AMD1: variants seen among roughly 807,000 people sequenced by gnomAD.
AMD1 encodes S-adenosylmethionine decarboxylase proenzyme.
Under a neutral mutation model 40.2 loss-of-function variants are expected in AMD1, and 11 were observed. The observed-to-expected ratio is 0.27, with a 90% CI of 0.17 to 0.45. The LOEUF (loss-of-function observed/expected upper bound fraction) is 0.45. AMD1 is among the 20% of genes least tolerant of loss of function. The pLI is 1.00. For missense variants in AMD1, 257 were observed against 410.2 expected (o/e 0.63, Z 3.23); for synonymous variants, 121 against 130.8 (o/e 0.93, Z 0.51).
chr6:110,827,639 C>G, the AMD1 span, among the ~76,000 whole-genome samples: 8 of 151,916 alleles, frequency 5.3e-5, no homozygotes, highest in Middle Eastern at 6.4e-3. Context: ...GTGGGGGGCA[C>G]CTGTAGTCCC....
intron 4 of AMD1, chr6:110,891,207 T>A (rs1785998038): frequency 6.6e-6 from 1 of 152,198 alleles, no homozygotes; most frequent in Non-Finnish European, 1.5e-5. Flanking sequence ...AGCACCCAGC[T>A]AATTTTTATT....
In AMD1 at chr6:110,893,577, T is replaced by C. The variant is rs1786157588; in HGVS notation, c.966T>C (p.Phe322=). ...TGTTCAATGATTACAATTTTGTTTT[T>C]ACCAGTTTTGCTAAGAAGCAGCAAC... The part of the protein sequence containing the change: ...SAMFNDYNFV[F]TSFAKKQQQQ... The change falls in exon 9 of 9, where the codon TTT becomes TTC. Residue 322 remains phenylalanine, a synonymous_variant. Coordinates refer to ENST00000368885, the MANE Select transcript of AMD1 (RefSeq NM_001634.6). 2 of 1,613,942 alleles carry C rather than the reference T, an allele frequency of 1.2e-6. No individual in the cohort carries two copies. Among genetic ancestry groups the C allele is most frequent in the East Asian group, 4.5e-5 (2 of 44,902 alleles).
chr6:110,880,936 T>TG (rs1785377894), intron 1 of AMD1, among the ~76,000 whole-genome samples: 1 of 152,234 alleles, frequency 6.6e-6, no homozygotes. Flanking sequence ...GCTCCCAAAA[T>TG]GCATTTAATC....
At chr6:110,883,589 TTTTG>T (rs1299559076) in intron 1 of AMD1, among the ~76,000 whole-genome samples, 1 of 152,110 alleles carries the variant, frequency 6.6e-6, no homozygotes, top group Non-Finnish European at 1.5e-5. Context: ...GGGAATCATT[TTTTG>T]TTTGTTGTTT....
chr6:110,875,185 A>G lies in AMD1; in HGVS notation c.80A>G (p.Gln27Arg). The change falls in exon 1 of 9, where the codon CAA becomes CGA. Residue 27 changes from glutamine (Q) to arginine (R), a missense_variant. Physicochemically the swap from Gln to Arg is conservative, Grantham distance 43. Around this residue, in one of 3 missense-constraint regions of AMD1, gnomAD observed 57 missense variants for 76.8 expected, o/e 0.74. Coordinates refer to ENST00000368885, the MANE Select transcript of AMD1 (RefSeq NM_001634.6). Reference protein sequence around the residue: ...WFSRQQPDANQGSGDLRTIPR... With the variant: ...WFSRQQPDANRGSGDLRTIPR... Reference sequence around the variant, plus strand: ...TCCCGGCAGCAGCCCGACGCAAACCAAGGATCTGGGGATCTTCGCACTATC... The same window carrying G: ...TCCCGGCAGCAGCCCGACGCAAACCGAGGATCTGGGGATCTTCGCACTATC... The G allele has an allele frequency of 1.2e-6, 2 of 1,612,768 alleles. No individual in the cohort carries two copies. The highest frequency in any genetic ancestry group is 1.1e-5 in the South Asian group (1 of 90,864).
At chr6:110,862,050 C>T in the AMD1 span, among the ~76,000 whole-genome samples, 1 of 134,562 alleles carries the variant, frequency 7.4e-6, no homozygotes, top group African/African-American at 2.8e-5. Flanking sequence ...GATGGAGTCT[C>T]ACTTTGTTAC....
the AMD1 span, among the ~76,000 whole-genome samples, chr6:110,862,814 C>G: frequency 6.6e-6 from 1 of 152,104 alleles, no homozygotes; most frequent in Non-Finnish European, 1.5e-5. Flanking sequence ...GTTGAAGGCT[C>G]TCCTCAAATA....
chr6:110,841,874 C>G, the AMD1 span, among the ~76,000 whole-genome samples: 1 of 152,028 alleles, frequency 6.6e-6, no homozygotes, highest in Admixed American at 6.6e-5. Flanking sequence ...ATGATCTCAA[C>G]TCATTGCAAC....
chr6:110,839,218 A>G, the AMD1 span, among the ~76,000 whole-genome samples: 11 of 152,326 alleles, frequency 7.2e-5, no homozygotes, highest in Admixed American at 7.2e-4. Context: ...GGATTTATAA[A>G]ACACTGTTTT....
the AMD1 span, among the ~76,000 whole-genome samples, chr6:110,826,786 G>C: frequency 6.6e-6 from 1 of 151,418 alleles, no homozygotes; most frequent in South Asian, 2.1e-4. Context: ...CCGCCTCCCA[G>C]GTTCAAGCAA....
At chr6:110,836,416 A>T in the AMD1 span, among the ~76,000 whole-genome samples, 2 of 152,270 alleles carry the variant, frequency 1.3e-5, no homozygotes, top group South Asian at 4.1e-4. Flanking sequence ...ATGGAAAAAG[A>T]TGTTCATTTA....
the AMD1 span, among the ~76,000 whole-genome samples, chr6:110,838,773 C>T: frequency 5.3e-5 from 8 of 152,114 alleles, no homozygotes; most frequent in African/African-American, 1.7e-4. Flanking sequence ...GCAGGAGAAT[C>T]GCTTAAACCT....
At chr6:110,865,002 C>T in the AMD1 span, among the ~76,000 whole-genome samples, 9 of 152,138 alleles carry the variant, frequency 5.9e-5, no homozygotes, top group African/African-American at 1.4e-4. Context: ...AAAAGGCAAC[C>T]GAATACAAAT....
chr6:110,895,380 G>C lies in AMD1; in HGVS notation c.*1764G>C, dbSNP rs1433366786. ...GAGGAGCTCTGTTTTGAGGACCAAT[G>C]CTTAAGGTGGACTTTGTTCGTAAAC... is the stretch of plus-strand genomic sequence containing the variant. On this transcript the variant is annotated 3_prime_UTR_variant, in exon 9 of 9. Transcript: ENST00000368885. 2 of 152,174 alleles carry C rather than the reference G, an allele frequency of 1.3e-5. No homozygotes were observed. Among genetic ancestry groups the C allele is most frequent in the African/African-American group, 4.8e-5 (2 of 41,438 alleles). The allele number at this position is 152,174 out of a possible 1,614,324, so 9.4% of individuals were successfully genotyped here. A position where few individuals can be genotyped will look rare whatever the true frequency, so the allele number is the denominator to read the frequency against.
intron 1 of AMD1, among the ~76,000 whole-genome samples, chr6:110,882,847 G>C (rs994230359): frequency 6.6e-6 from 1 of 152,194 alleles, no homozygotes; most frequent in Non-Finnish European, 1.5e-5. Context: ...AAGCCAATGG[G>C]TTGGCACGTG....
chr6:110,875,281 C>G, intron 1 of AMD1, 66 bp downstream of exon 1: 1 of 1,294,848 alleles, frequency 7.7e-7, no homozygotes, highest in Non-Finnish European at 1.1e-6. Context: ...AGGCACCAGC[C>G]ACGGGTGGAG....
the AMD1 span, among the ~76,000 whole-genome samples, chr6:110,818,175 AT>A: frequency 6.6e-6 from 1 of 152,198 alleles, no homozygotes; most frequent in Non-Finnish European, 1.5e-5. Flanking sequence ...CAAAATTAAT[AT>A]AAGTAGAGAG....
At chr6:110,818,400 G>A in the AMD1 span, among the ~76,000 whole-genome samples, 1 of 152,174 alleles carries the variant, frequency 6.6e-6, no homozygotes, top group Non-Finnish European at 1.5e-5. Flanking sequence ...GATATAGGGT[G>A]TGGGTTATAG....
intron 1 of AMD1, among the ~76,000 whole-genome samples, chr6:110,883,677 C>T (rs1562336969): frequency 6.6e-6 from 1 of 152,128 alleles, no homozygotes; most frequent in Admixed American, 6.5e-5. Flanking sequence ...CTGCAAGCTC[C>T]GCCTTCCGGG....
Sources: allele counts gnomAD v4.1 joint callset (sites outside exome capture counted in the v4.1 genomes callset), GRCh38; gene constraint gnomAD v4.1.1; regional missense constraint gnomAD v4.1.1; transcripts MANE v1.5; gene names NCBI Gene and HGNC (gene_info 2026-07-23, HGNC 2026-07-21).